GALNT18: variants seen among roughly 807,000 people sequenced by gnomAD.
GALNT18 encodes the protein GalNAc-transferase 18.
A neutral mutation model predicts 69.5 loss-of-function variants in GALNT18; 44 were observed. The observed-to-expected ratio is 0.63, with a 90% CI of 0.50 to 0.81. The LOEUF is 0.81. Among genes scored for constraint, GALNT18 ranks in the 40% least tolerant of loss-of-function variants. GALNT18 has a pLI of 0.00. For missense variants in GALNT18, 715 were observed against 810.0 expected, an observed-to-expected ratio of 0.88 and a Z score of 1.42; for synonymous variants, 364 against 318.2, an observed-to-expected ratio of 1.14 and a Z score of -1.53.
chr11:11,489,491 G>A (rs779375068), intron 1 of GALNT18, among the ~76,000 whole-genome samples: 1 of 152,204 alleles, frequency 6.6e-6, no homozygotes, highest in Non-Finnish European at 1.5e-5. Flanking sequence ...CACTGTCCAT[G>A]CCAGTCCACA....
intron 1 of GALNT18, among the ~76,000 whole-genome samples, chr11:11,460,624 GC>G (rs1258041824): frequency 2.6e-5 from 4 of 152,200 alleles, no homozygotes; most frequent in African/African-American, 9.7e-5. Context: ...AGAAAGGAGA[GC>G]CCTAGCTGGT....
intron 6 of GALNT18, among the ~76,000 whole-genome samples, chr11:11,350,571 TG>T (rs1331277834): frequency 7.2e-5 from 11 of 152,270 alleles, no homozygotes; most frequent in Admixed American, 6.5e-4. Context: ...TCTCCAAAGG[TG>T]TGGCAGAGAC....
At chr11:11,561,899 C>G (rs1305722604) in intron 1 of GALNT18, among the ~76,000 whole-genome samples, 1 of 152,186 alleles carries the variant, frequency 6.6e-6, no homozygotes, top group Non-Finnish European at 1.5e-5. Flanking sequence ...ACCACAGATC[C>G]ACAGGAGAAC....
chr11:11,569,247 G>GGAAA (rs1858726801), intron 1 of GALNT18, among the ~76,000 whole-genome samples: 1 of 136,148 alleles, frequency 7.3e-6, no homozygotes, highest in Non-Finnish European at 1.6e-5. Flanking sequence ...AGGCTGAAGG[G>GGAAA]AAAAAAAAAA....
rs1034219883 is a variant in GALNT18 at position 11,562,550 on chromosome 11, A to C, written c.235+58809T>G. Among the ~76,000 whole-genome samples the C allele has an allele frequency of 2.0e-5, 3 of 152,112 alleles. No homozygotes were observed. Among genetic ancestry groups the C allele is most frequent in the African/African-American group, 7.2e-5 (3 of 41,420 alleles). Reference sequence around the variant, plus strand: ...AAGTACACAGAACTGGGGCTTCAGGAGTTGTCCTAGCAACACCCACCACCA... The same window carrying C: ...AAGTACACAGAACTGGGGCTTCAGGCGTTGTCCTAGCAACACCCACCACCA... On this transcript the variant is annotated intron_variant, in intron 1 of 10. Coordinates refer to ENST00000227756, the MANE Select transcript of GALNT18 (RefSeq NM_198516.3). The surrounding 1 kb of genome is among the most constrained non-coding windows in gnomAD (Gnocchi z 4.1).
rs1393174784 is a variant in GALNT18, at chr11:11,465,287, T to A, written c.236-16351A>T. On this transcript the variant is annotated intron_variant, in intron 1 of 10. Transcript: ENST00000227756. The surrounding 1 kb of genome is among the most constrained non-coding windows in gnomAD (Gnocchi z 5.7). The stretch of plus-strand genomic sequence containing the variant: ...GTGGGAGGGTCTGTATTTAGACTGA[T>A]TTCCCCTGAGACTGGGGAGTTGGGT... Among the ~76,000 whole-genome samples, 2 of 152,088 alleles carry A rather than the reference T, an allele frequency of 1.3e-5. No individual in the cohort carries two copies. The highest frequency in any genetic ancestry group is 2.9e-5 in the Non-Finnish European group (2 of 68,016).
chr11:11,327,352 G>A (rs1235867589), intron 8 of GALNT18, among the ~76,000 whole-genome samples, 171 bp from the exon 9 acceptor site: 1 of 152,230 alleles, frequency 6.6e-6, no homozygotes, highest in African/African-American at 2.4e-5. Context: ...TTGCGTAAAG[G>A]TGCTGAGGGG....
intron 1 of GALNT18, chr11:11,475,364 A>G (rs933136377): frequency 1.3e-5 from 2 of 152,180 alleles, no homozygotes; most frequent in African/African-American, 4.8e-5. Flanking sequence ...TGAGTCATTT[A>G]TTTCACTTTT....
chr11:11,277,077 G>C (rs1241556564), intron 10 of GALNT18, among the ~76,000 whole-genome samples: 1 of 152,208 alleles, frequency 6.6e-6, no homozygotes, highest in Non-Finnish European at 1.5e-5. Flanking sequence ...AATAGTTTCA[G>C]AAGGAATGGT....
In GALNT18 at chr11:11,413,582, G is replaced by A. The variant is rs1037161865; in HGVS notation, c.595+19039C>T. Among the ~76,000 whole-genome samples, 11 of 152,178 alleles carry A rather than the reference G, an allele frequency of 7.2e-5. No individual in the cohort carries two copies. The highest frequency in any genetic ancestry group is 2.7e-4 in the African/African-American group (11 of 41,434). ...CCCAGAACAATTGAAGTAACTCACT[G>A]AGGTGTCAGCTTATATCAGAGCCAC... On this transcript the variant is annotated intron_variant, in intron 3 of 10. Transcript: ENST00000227756. This position sits in a 1 kb window ranked among gnomAD's most constrained non-coding sequence, Gnocchi z 4.7.
At chr11:11,490,809 A>G (rs1287182881) in intron 1 of GALNT18, among the ~76,000 whole-genome samples, 4 of 152,250 alleles carry the variant, frequency 2.6e-5, no homozygotes, top group African/African-American at 4.8e-5. Flanking sequence ...CAAATCATGC[A>G]GGGCTGGGCC....
chr11:11,458,798 C>A (rs992552991), intron 1 of GALNT18, among the ~76,000 whole-genome samples: 2 of 152,356 alleles, frequency 1.3e-5, no homozygotes, highest in African/African-American at 4.8e-5. Context: ...CTTCCAAACA[C>A]CCAGCCTTGA....
At chr11:11,291,373 C>T (rs752688212) in intron 10 of GALNT18, among the ~76,000 whole-genome samples, 18 of 152,320 alleles carry the variant, frequency 1.2e-4, no homozygotes, top group Admixed American at 1.0e-3. Context: ...TGGGCATGTT[C>T]GTTAACTTCT....
intron 1 of GALNT18, among the ~76,000 whole-genome samples, chr11:11,576,614 A>T (rs1178691609): frequency 6.6e-6 from 1 of 152,234 alleles, no homozygotes; most frequent in Non-Finnish European, 1.5e-5. Context: ...TAGGAAATTG[A>T]GGCCACACAG....
intron 3 of GALNT18, among the ~76,000 whole-genome samples, chr11:11,418,497 G>A (rs957107662): frequency 6.6e-6 from 1 of 152,042 alleles, no homozygotes; most frequent in Admixed American, 6.5e-5. Flanking sequence ...AATCACCAAG[G>A]CCCAGTTCAA....
At chr11:11,490,601 G>A (rs187561410) in intron 1 of GALNT18, among the ~76,000 whole-genome samples, 14 of 152,240 alleles carry the variant, frequency 9.2e-5, no homozygotes, top group African/African-American at 3.4e-4. Context: ...CCAGTCCAGG[G>A]GCCTATAGGG....
In GALNT18 at chr11:11,586,067, G is replaced by A. The variant is rs1200567315; in HGVS notation, c.235+35292C>T. Reference sequence around the variant, plus strand: ...TGGTGGTCTGTGAACCCGGCAGTGGGCCCTTACCAAATGCTGAATCTGCTG... The same window carrying A: ...TGGTGGTCTGTGAACCCGGCAGTGGACCCTTACCAAATGCTGAATCTGCTG... On this transcript the variant is annotated intron_variant, in intron 1 of 10. Transcript: ENST00000227756. This position sits in a 1 kb window ranked among gnomAD's most constrained non-coding sequence, Gnocchi z 4.1. Among the ~76,000 whole-genome samples, 2 of 152,090 alleles carry A rather than the reference G, an allele frequency of 1.3e-5. No homozygotes were observed. The highest frequency in any genetic ancestry group is 6.5e-5 in the Admixed American group (1 of 15,284).
intron 9 of GALNT18, among the ~76,000 whole-genome samples, chr11:11,299,569 G>C (rs534307891): frequency 6.6e-6 from 1 of 152,292 alleles, no homozygotes; most frequent in East Asian, 1.9e-4. Context: ...GAGAGCATAG[G>C]ATGTTTGGTT....
chr11:11,429,336 T>C (rs1193211372), intron 3 of GALNT18, among the ~76,000 whole-genome samples: 1 of 152,230 alleles, frequency 6.6e-6, no homozygotes, highest in Non-Finnish European at 1.5e-5. Flanking sequence ...CTACATATCT[T>C]ACCCTCAGTA....
Sources: allele counts gnomAD v4.1 joint callset (sites outside exome capture counted in the v4.1 genomes callset), GRCh38; gene constraint gnomAD v4.1.1; non-coding constraint Gnocchi (gnomAD v3.1); transcripts MANE v1.5; gene names NCBI Gene and HGNC (gene_info 2026-07-23, HGNC 2026-07-21).